FREM1: variants seen among roughly 807,000 people sequenced by gnomAD.
FREM1 encodes FRAS1 related extracellular matrix 1.
In FREM1, 220 loss-of-function variants were observed where a neutral mutation model predicts 210.1. The observed-to-expected ratio is 1.05, with a 90% confidence interval of 0.94 to 1.17. FREM1 has a LOEUF of 1.17. Ranked by LOEUF, FREM1 falls within the 50% of genes most tolerant of loss-of-function variation. FREM1 has a pLI of 0.00. For synonymous variants in FREM1, 1,189 were observed against 980.2 expected (o/e 1.21, Z -3.98); for missense variants, 3,454 against 2,675.5 (o/e 1.29, Z -6.42).
Position 14,801,789 on chromosome 9 carries a change from C to T in FREM1, c.3557G>A (p.Ser1186Asn), listed in dbSNP as rs755824166. The change falls in exon 20 of 37, where the codon AGC (serine) becomes AAC (asparagine). Residue 1186 changes from serine to asparagine, a missense_variant. Transcript: ENST00000380880. ...GCCATGGCGTGGCTTTTGAGTGATG[C>T]TGAACAGCAGGGCATCCTGGGGAAT... ...LDIPQDALLF[S>N]ITQKPRHGLL... The T allele has an allele frequency of 3.7e-6, 6 of 1,613,834 alleles. No individual in the cohort carries two copies. The highest frequency in any genetic ancestry group is 5.1e-6 in the Non-Finnish European group (6 of 1,179,878).
chr9:14,776,560 G>A (rs1461939024), intron 24 of FREM1, among the ~76,000 whole-genome samples: 5 of 152,056 alleles, frequency 3.3e-5, no homozygotes, highest in African/African-American at 4.8e-5. Flanking sequence ...AATTTGAAGA[G>A]TATACCCCCT....
At chr9:14,783,617 G>A (rs908129641) in intron 24 of FREM1, among the ~76,000 whole-genome samples, 1 of 152,202 alleles carries the variant, frequency 6.6e-6, no homozygotes, top group Admixed American at 6.5e-5. Flanking sequence ...AACCAGCTTT[G>A]AGAGCTGCGA....
chr9:14,814,542 T>A (rs1819959698), intron 15 of FREM1, among the ~76,000 whole-genome samples: 1 of 152,310 alleles, frequency 6.6e-6, no homozygotes, highest in East Asian at 1.9e-4. Flanking sequence ...TCCAGGCTAG[T>A]TATTTAAAGA....
intron 20 of FREM1, among the ~76,000 whole-genome samples, chr9:14,800,347 G>C (rs929384745): frequency 4.6e-5 from 7 of 152,160 alleles, no homozygotes; most frequent in African/African-American, 1.4e-4. Flanking sequence ...ACCTAAGGAA[G>C]GAGAATGGGA....
intron 24 of FREM1, among the ~76,000 whole-genome samples, chr9:14,784,110 T>C (rs1437128479): frequency 6.6e-6 from 1 of 152,220 alleles, no homozygotes; most frequent in Non-Finnish European, 1.5e-5. Context: ...ATTTTAATCG[T>C]GTGGCTTCAC....
chr9:14,737,750 G>A (rs539975861), intron 36 of FREM1, among the ~76,000 whole-genome samples, 155 bp from the exon 37 acceptor site: 65 of 152,220 alleles, frequency 4.3e-4, no homozygotes, highest in African/African-American at 1.5e-3. Context: ...AGACACAAAC[G>A]GTCAAACAAA....
Position 14,756,329 on chromosome 9 carries a change from A to AT in FREM1, c.5407+44_5407+45insA, listed in dbSNP as rs397702444. The AT allele has an allele frequency of 1.0e-3, 1,475 of 1,441,316 alleles. 3 individuals are homozygous for AT. Among genetic ancestry groups the AT allele is most frequent in the South Asian group, 1.3e-3 (102 of 77,344 alleles). The allele number at this position is 1,441,316 out of a possible 1,614,324, so 89.3% of individuals were successfully genotyped here. A position where few individuals can be genotyped will look rare whatever the true frequency, so the allele number is the denominator to read the frequency against. On this transcript the variant is annotated intron_variant, in intron 29 of 36. Transcript: ENST00000380880. ...TCTCCAGACATGCCTACAAAAAAAA[A>AT]CAAAAAACAAAACACATAAAACAAA...
At chr9:14,894,254 T>G (rs967049085) in intron 1 of FREM1, among the ~76,000 whole-genome samples, 6 of 152,374 alleles carry the variant, frequency 3.9e-5, no homozygotes, top group South Asian at 2.1e-4. Context: ...AATTCTAATA[T>G]GACTCAGCAT....
intron 29 of FREM1, among the ~76,000 whole-genome samples, chr9:14,753,808 T>G (rs1485470701): frequency 6.6e-6 from 1 of 152,200 alleles, no homozygotes; most frequent in East Asian, 1.9e-4. Flanking sequence ...AAGATTTCAG[T>G]TTGCAAAACT....
At chr9:14,739,141 T>C (rs1407843880) in intron 36 of FREM1, among the ~76,000 whole-genome samples, 1 of 151,936 alleles carries the variant, frequency 6.6e-6, no homozygotes, top group Non-Finnish European at 1.5e-5. Flanking sequence ...TCTTGCTCTG[T>C]TGCCTAGGCT....
intron 25 of FREM1, among the ~76,000 whole-genome samples, chr9:14,773,897 C>A (rs1415348004): frequency 6.6e-6 from 1 of 151,844 alleles, no homozygotes; most frequent in Non-Finnish European, 1.5e-5. Context: ...CCAAAGAGAC[C>A]CAGAAAAGTA....
chr9:14,848,683 G>C lies in FREM1; in HGVS notation c.1243C>G (p.Arg415Gly). Reference sequence around the variant, plus strand: ...GCTTTACCTGTATTCCAGGATACACGGGGGGCATTTGTATCTGCTGTTCTG... The same window carrying C: ...GCTTTACCTGTATTCCAGGATACACCGGGGGCATTTGTATCTGCTGTTCTG... ...SIRTADTNAPRVSWNTGLSLL... is the reference protein window; with the variant it reads ...SIRTADTNAPGVSWNTGLSLL... Residue 415 changes from arginine (R) to glycine (G), a missense_variant, in exon 7 of 37, where the codon CGT becomes GGT. Transcript: ENST00000380880. The C allele has an allele frequency of 1.2e-6, 2 of 1,604,090 alleles. No individual in the cohort carries two copies. Among genetic ancestry groups the C allele is most frequent in the South Asian group, 2.2e-5 (2 of 90,632 alleles).
In FREM1 at chr9:14,737,323, G is replaced by A. The variant is rs1840568532; in HGVS notation, c.*73C>T. The A allele has an allele frequency of 2.6e-6, 3 of 1,136,996 alleles. No individual in the cohort carries two copies. In the South Asian group the frequency reaches 4.6e-5, roughly 18 times the overall value. 70.4% of individuals were successfully genotyped at this position (1,136,996 alleles called of 1,614,324 possible). A position where few individuals can be genotyped will look rare whatever the true frequency, so the allele number is the denominator to read the frequency against. The stretch of plus-strand genomic sequence containing the variant: ...TCAATCATAACAATTTGTTTTCTAT[G>A]GAGCAATATTCACAGATCCTGTGAA... On this transcript the variant is annotated 3_prime_UTR_variant, in exon 37 of 37. Transcript: ENST00000380880.
At chr9:14,870,943 T>A (rs1832552677) in intron 1 of FREM1, among the ~76,000 whole-genome samples, 1 of 151,928 alleles carries the variant, frequency 6.6e-6, no homozygotes, top group South Asian at 2.1e-4. Context: ...CTGAGAATGA[T>A]GATTTCCAAT....
intron 1 of FREM1, among the ~76,000 whole-genome samples, chr9:14,893,421 C>T (rs1033405612): frequency 2.6e-5 from 4 of 152,298 alleles, no homozygotes; most frequent in Admixed American, 6.5e-5. Flanking sequence ...TCAGTTATGT[C>T]CTTGGGAGCT....
rs539920794 is a variant in FREM1, at chr9:14,885,534, C to G, written c.-267-16290G>C. 1.2e-4 allele frequency among the ~76,000 whole-genome samples: 19 copies of G among 152,240 alleles called. No homozygotes were observed. The South Asian group carries it at 3.5e-3, about 28-fold the overall frequency. On this transcript the variant is annotated intron_variant, in intron 1 of 36. Coordinates refer to ENST00000380880, the MANE Select transcript of FREM1 (RefSeq NM_001379081.2). Reference sequence around the variant, plus strand: ...TCCTGGGCTCAAGCAAGCCTCAGCTCCAGCCTCCCAGGTACCTGGGACTAC... The same window carrying G: ...TCCTGGGCTCAAGCAAGCCTCAGCTGCAGCCTCCCAGGTACCTGGGACTAC...
chr9:14,747,097 A>C, intron 33 of FREM1, 46 bp from the exon 34 acceptor site: 2 of 1,612,014 alleles, frequency 1.2e-6, no homozygotes, highest in South Asian at 1.1e-5. Flanking sequence ...TGACTTAAGG[A>C]AAGTTGCTCA....
intron 35 of FREM1, 52 bp from the exon 36 acceptor site, chr9:14,740,286 C>A: frequency 1.5e-6 from 2 of 1,301,064 alleles, no homozygotes; most frequent in Non-Finnish European, 1.1e-6. Flanking sequence ...AACATTTCTG[C>A]TGATACGAAA....
At chr9:14,760,528 G>C (rs1283542100) in intron 27 of FREM1, among the ~76,000 whole-genome samples, 1 of 152,174 alleles carries the variant, frequency 6.6e-6, no homozygotes, top group Non-Finnish European at 1.5e-5. Context: ...AGAAATAGAG[G>C]ATAGTCTTTC....
Sources: gnomAD v4.1 joint callset for allele counts (sites outside exome capture counted in the v4.1 genomes callset) on GRCh38, gnomAD v4.1.1 for gene constraint, MANE v1.5 for transcripts, NCBI Gene and HGNC (gene_info 2026-07-23, HGNC 2026-07-21) for gene names.